TYW3: variants seen among roughly 807,000 people sequenced by gnomAD.
The protein encoded by TYW3 is tRNA-yW synthesizing protein 3 homolog.
In TYW3, 26 loss-of-function variants were observed where a neutral mutation model predicts 23.1. The ratio of observed to expected loss-of-function variants is 1.13; its 90% CI spans 0.83 to 1.56. TYW3 has a LOEUF of 1.56. Ranked by LOEUF, TYW3 falls within the 40% of genes most tolerant of loss-of-function variation. The pLI is 0.00. For synonymous variants in TYW3, 102 were observed against 105.7 expected (o/e 0.97, Z 0.21); for missense variants, 316 against 311.9 (o/e 1.01, Z -0.10).
intron 3 of TYW3, among the ~76,000 whole-genome samples, chr1:74,739,314 G>A (rs1057471207): frequency 1.3e-5 from 2 of 152,098 alleles, no homozygotes; most frequent in Non-Finnish European, 2.9e-5. Flanking sequence ...GACTGTCTTG[G>A]TTCCTCTTCC....
At chr1:74,734,075 A>G (rs1648037445) in intron 1 of TYW3, 1 of 152,224 alleles carries the variant, frequency 6.6e-6, no homozygotes, top group African/African-American at 2.4e-5. Context: ...ACCCCATCAT[A>G]AATCAAGAAG....
chr1:74,734,898 A>G (rs1256197581), intron 1 of TYW3, among the ~76,000 whole-genome samples: 9 of 152,236 alleles, frequency 5.9e-5, no homozygotes. Context: ...GCTTAAGAGC[A>G]TGGAAGACAG....
chr1:74,758,248 CA>C lies in TYW3; in HGVS notation c.561-5645del, dbSNP rs200312746. ...GCTTCAACTAGTTCTGCTACTTTTC[CA>C]TGTACTGGCAGGTCTTCTAAATCTT... On this transcript the variant is annotated intron_variant, in intron 5 of 5. Coordinates refer to ENST00000370867, the MANE Select transcript of TYW3 (RefSeq NM_138467.3). 1.0e-2 allele frequency among the ~76,000 whole-genome samples: 1,517 copies of C among 152,348 alleles called. 26 individuals carry two copies. Among genetic ancestry groups the C allele is most frequent in the African/African-American group, 0.035 (1,439 of 41,580 alleles).
intron 1 of TYW3, among the ~76,000 whole-genome samples, chr1:74,735,894 C>A (rs986679250): frequency 1.3e-5 from 2 of 152,194 alleles, no homozygotes; most frequent in African/African-American, 4.8e-5. Context: ...ATCCCCTTTC[C>A]AGTGTCCTTG....
intron 3 of TYW3, among the ~76,000 whole-genome samples, chr1:74,745,916 C>G (rs1342321897): frequency 6.6e-6 from 1 of 152,176 alleles, no homozygotes; most frequent in Non-Finnish European, 1.5e-5. Context: ...ATGCATGTCA[C>G]TTGTTTCTTC....
chr1:74,751,803 G>A lies in TYW3; in HGVS notation c.427-489G>A, dbSNP rs373775903. ...AACATGTTGACTATTTCATCAACAG[G>A]GCTATTAAGATTGTGAACCCTAAAG... On this transcript the variant is annotated intron_variant, in intron 4 of 5. Transcript: ENST00000370867. Among the ~76,000 whole-genome samples, 50 of 152,204 alleles carry A rather than the reference G, an allele frequency of 3.3e-4. 2 individuals carry two copies. The South Asian group carries it at 6.8e-3, about 21-fold the overall frequency.
chr1:74,758,873 C>T (rs1286492436), intron 5 of TYW3, among the ~76,000 whole-genome samples: 1 of 152,104 alleles, frequency 6.6e-6, no homozygotes, highest in Non-Finnish European at 1.5e-5. Flanking sequence ...GATATCTTAT[C>T]CTACAATGTA....
chr1:74,739,020 G>A (rs952838541), intron 3 of TYW3, among the ~76,000 whole-genome samples: 15 of 151,876 alleles, frequency 9.9e-5, no homozygotes, highest in Middle Eastern at 3.2e-3. Flanking sequence ...CTTTCTTAAC[G>A]TTTTTATTTA....
At chr1:74,733,713 T>C (rs1648011758) in intron 1 of TYW3, among the ~76,000 whole-genome samples, 2 of 152,230 alleles carry the variant, frequency 1.3e-5, no homozygotes, top group Admixed American at 1.3e-4. Flanking sequence ...ACTGCTGACC[T>C]GGGAACTATC....
intron 3 of TYW3, among the ~76,000 whole-genome samples, chr1:74,742,904 A>G (rs908806643): frequency 6.6e-6 from 1 of 152,318 alleles, no homozygotes; most frequent in African/African-American, 2.4e-5. Flanking sequence ...TCCCTGAGAC[A>G]GGAGATTAAC....
intron 1 of TYW3, among the ~76,000 whole-genome samples, chr1:74,734,625 A>AGG (rs1648072909): frequency 6.6e-6 from 1 of 152,184 alleles, no homozygotes; most frequent in Non-Finnish European, 1.5e-5. Flanking sequence ...GGCATCCACT[A>AGG]GGGGGTCTTG....
rs1482636119 is a variant in TYW3 at position 74,765,795 on chromosome 1, T to G, written c.*1682T>G. 6.6e-6 allele frequency: 1 copy of G among 152,118 alleles called. No homozygotes were observed. Among genetic ancestry groups the G allele is most frequent in the African/African-American group, 2.4e-5 (1 of 41,426 alleles). 9.4% of individuals were successfully genotyped at this position (152,118 alleles called of 1,614,324 possible). A position where few individuals can be genotyped will look rare whatever the true frequency, so the allele number is the denominator to read the frequency against. ...ATTGATCTCCAAGAAAACTATGTAT[T>G]TTAAAGATTCCATAAACTGAATATA... is the stretch of plus-strand genomic sequence containing the variant. On this transcript the variant is annotated 3_prime_UTR_variant, in exon 6 of 6. Coordinates refer to ENST00000370867, the MANE Select transcript of TYW3 (RefSeq NM_138467.3).
At chr1:74,748,720 T>C (rs2100766571) in intron 3 of TYW3, 31 bp from the exon 4 acceptor site, 1 of 1,599,640 alleles carries the variant, frequency 6.3e-7, no homozygotes, top group South Asian at 1.1e-5. Flanking sequence ...ACCCACAGTA[T>C]CAAAATGTAA....
intron 5 of TYW3, among the ~76,000 whole-genome samples, chr1:74,758,931 A>G (rs1649042037): frequency 6.6e-6 from 1 of 152,220 alleles, no homozygotes; most frequent in Non-Finnish European, 1.5e-5. Flanking sequence ...TTATTGAATT[A>G]ATGATAAAAG....
chr1:74,764,260 C>A lies in TYW3; in HGVS notation c.*147C>A. The A allele has an allele frequency of 1.5e-6, 1 of 667,844 alleles. No individual in the cohort carries two copies. Among genetic ancestry groups the A allele is most frequent in the Non-Finnish European group, 2.4e-6 (1 of 410,942 alleles). 41.4% of individuals were successfully genotyped at this position (667,844 alleles called of 1,614,324 possible). ...AGAGCTTCAAACTATAACTTTGTTG[C>A]CCAGAGGATGTGCAGTTGTCATCTA... On this transcript the variant is annotated 3_prime_UTR_variant, in exon 6 of 6. Transcript: ENST00000370867.
At chr1:74,758,296 A>G (rs556714225) in intron 5 of TYW3, among the ~76,000 whole-genome samples, 165 of 152,298 alleles carry the variant, frequency 1.1e-3, no homozygotes, top group African/African-American at 3.9e-3. Flanking sequence ...GGGCCAACAT[A>G]TCCAATAACC....
chr1:74,763,097 T>C (rs781577722), intron 5 of TYW3, among the ~76,000 whole-genome samples: 2 of 152,190 alleles, frequency 1.3e-5, no homozygotes, highest in Non-Finnish European at 2.9e-5. Flanking sequence ...TGTTTTTTGA[T>C]GGGAATATTC....
In TYW3 at chr1:74,752,337, G is replaced by T; in HGVS notation, c.472G>T (p.Gly158Ter). ...CTTAGAAGTTCCATTAAGCCATAAGGGAAAACTGATGGTGACAGAGGAATA... is the reference window on the plus strand; with the variant it reads ...CTTAGAAGTTCCATTAAGCCATAAGTGAAAACTGATGGTGACAGAGGAATA... The part of the protein sequence containing the change: ...HGLEVPLSHK[G>*]KLMVTEEYID... Residue 158 changes from glycine to a stop codon, truncating the protein, a stop_gained, in exon 5 of 6, where the codon GGA (glycine) becomes TGA (stop). Coordinates refer to ENST00000370867, the MANE Select transcript of TYW3 (RefSeq NM_138467.3). LOFTEE classifies it high-confidence loss of function. 1.2e-6 allele frequency: 2 copies of T among 1,613,102 alleles called. No homozygotes were observed. Among genetic ancestry groups the T allele is most frequent in the Non-Finnish European group, 1.7e-6 (2 of 1,179,500 alleles).
At chr1:74,754,957 A>G (rs1648903874) in intron 5 of TYW3, among the ~76,000 whole-genome samples, 1 of 152,202 alleles carries the variant, frequency 6.6e-6, no homozygotes. Flanking sequence ...GAGGAAGGCT[A>G]TCTTTGAATC....
Sources: gnomAD v4.1 joint callset for allele counts (sites outside exome capture counted in the v4.1 genomes callset) on GRCh38, gnomAD v4.1.1 for gene constraint, MANE v1.5 for transcripts, NCBI Gene and HGNC (gene_info 2026-07-23, HGNC 2026-07-21) for gene names.